Variants in GRAMD1B observed in about 807,000 individuals in gnomAD.
GRAMD1B encodes GRAM domain containing 1B, also known as protein Aster-B.
In GRAMD1B, 37 loss-of-function variants were observed where a neutral mutation model predicts 99.7. The observed-to-expected ratio is 0.37, with a 90% CI of 0.29 to 0.49. The LOEUF (loss-of-function observed/expected upper bound fraction) is 0.49. Ranked by LOEUF, GRAMD1B falls within the 20% of genes least tolerant of loss-of-function variation. GRAMD1B has a pLI of 0.98. For missense variants in GRAMD1B, 888 were observed against 1,009.2 expected (o/e 0.88, Z 1.63); for synonymous variants, 427 against 387.6 (o/e 1.10, Z -1.19).
chr11:123,451,341 A>G (rs1203952251), intron 1 of GRAMD1B, among the ~76,000 whole-genome samples: 1 of 152,130 alleles, frequency 6.6e-6, no homozygotes, highest in Non-Finnish European at 1.5e-5. Flanking sequence ...GAGTAGACCC[A>G]CCTGGCACTT....
chr11:123,426,207 G>A (rs762080594), upstream of GRAMD1B, among the ~76,000 whole-genome samples: 2 of 152,070 alleles, frequency 1.3e-5, no homozygotes, highest in Non-Finnish European at 1.5e-5. Context: ...GGGTGGGCTG[G>A]GCCTTTAAGA....
chr11:123,497,528 G>C (rs961165948), intron 2 of GRAMD1B, among the ~76,000 whole-genome samples: 4 of 152,172 alleles, frequency 2.6e-5, no homozygotes, highest in Admixed American at 2.0e-4. Flanking sequence ...CTAGGCCCCA[G>C]ATGAGTCCAG....
At chr11:123,622,428 G>A in intron 19 of GRAMD1B, 78 bp from the exon 20 acceptor site, 1 of 866,794 alleles carries the variant, frequency 1.2e-6, no homozygotes. Flanking sequence ...CTAGGCGGGT[G>A]TGGGGAGAGG....
At chr11:123,415,206 G>A (rs931313525) in intron 1 of GRAMD1B, among the ~76,000 whole-genome samples, 5 of 141,270 alleles carry the variant, frequency 3.5e-5, no homozygotes, top group South Asian at 2.3e-4. Context: ...AGGTTCAAGC[G>A]ATTCTCTTGC....
intron 2 of GRAMD1B, among the ~76,000 whole-genome samples, chr11:123,532,840 A>T (rs929744765): frequency 1.3e-5 from 2 of 152,248 alleles, no homozygotes; most frequent in Non-Finnish European, 2.9e-5. Context: ...CGTTCATGCT[A>T]CAACAGCAGA....
chr11:123,419,890 G>A (rs1008877273), intron 1 of GRAMD1B, among the ~76,000 whole-genome samples: 1 of 152,124 alleles, frequency 6.6e-6, no homozygotes, highest in African/African-American at 2.4e-5. Flanking sequence ...TTAAGCTGGG[G>A]AGATTTTATT....
chr11:123,364,887 A>G (rs1946266358), intron 1 of GRAMD1B, among the ~76,000 whole-genome samples: 1 of 152,212 alleles, frequency 6.6e-6, no homozygotes, highest in South Asian at 2.1e-4. Flanking sequence ...GTTTGGAAAT[A>G]GAGAATTTAT....
At chr11:123,475,104 G>A (rs1480686193) in intron 1 of GRAMD1B, among the ~76,000 whole-genome samples, 2 of 152,146 alleles carry the variant, frequency 1.3e-5, no homozygotes, top group Admixed American at 1.3e-4. Flanking sequence ...CCTTTCAGAG[G>A]GCAGAAGGAC....
chr11:123,592,265 GC>G (rs369487802), intron 4 of GRAMD1B, among the ~76,000 whole-genome samples: 1 of 152,186 alleles, frequency 6.6e-6, no homozygotes, highest in African/African-American at 2.4e-5. Context: ...TTTTGGGGAA[GC>G]CCTTCTGCTT....
chr11:123,416,279 G>A (rs1948230660), intron 1 of GRAMD1B, among the ~76,000 whole-genome samples: 1 of 152,104 alleles, frequency 6.6e-6, no homozygotes. Flanking sequence ...AACTTCTATT[G>A]GGTGTGATGG....
At chr11:123,453,679 C>A (rs1261975307) in intron 1 of GRAMD1B, among the ~76,000 whole-genome samples, 1 of 152,078 alleles carries the variant, frequency 6.6e-6, no homozygotes, top group East Asian at 1.9e-4. Context: ...ACTTTTTGGT[C>A]CTGGAATACT....
intron 2 of GRAMD1B, 59 bp from the exon 3 acceptor site, chr11:123,577,308 C>A (rs962867015): frequency 7.2e-7 from 1 of 1,395,114 alleles, no homozygotes; most frequent in Non-Finnish European, 9.9e-7. Context: ...TCACTGACTG[C>A]CTGCCTTTCC....
Position 123,624,408 on chromosome 11 carries a change from T to C in GRAMD1B, c.*1813T>C, listed in dbSNP as rs548876824. 3 of 152,362 alleles carry C rather than the reference T, an allele frequency of 2.0e-5. No homozygotes were observed. The East Asian group carries it at 5.8e-4, about 29-fold the overall frequency. The allele number at this position is 152,362 out of a possible 1,614,324, so 9.4% of individuals were successfully genotyped here. A position where few individuals can be genotyped will look rare whatever the true frequency, so the allele number is the denominator to read the frequency against. On this transcript the variant is annotated 3_prime_UTR_variant, in exon 20 of 20. Coordinates refer to ENST00000635736, the MANE Select transcript of GRAMD1B (RefSeq NM_001387025.1). ...CAGGATCAGAAAACAGGAAGGTCCA[T>C]GCCCAGGTGATCCTCCAAGGGAGGA...
intron 2 of GRAMD1B, among the ~76,000 whole-genome samples, chr11:123,568,754 T>C (rs1465227925): frequency 6.6e-6 from 1 of 152,200 alleles, no homozygotes; most frequent in Admixed American, 6.5e-5. Context: ...GAAGAGAACT[T>C]CTATGCTGTA....
At chr11:123,395,556 C>T (rs7106398) in intron 1 of GRAMD1B, among the ~76,000 whole-genome samples, 13,533 of 152,162 alleles carry the variant, frequency 0.089, 1,988 homozygotes, top group African/African-American at 0.31. Flanking sequence ...TATCAGAGTT[C>T]CCCCAGGTGA....
At chr11:123,364,899 CAA>C (rs1246165827) in intron 1 of GRAMD1B, among the ~76,000 whole-genome samples, 4 of 152,098 alleles carry the variant, frequency 2.6e-5, no homozygotes, top group Non-Finnish European at 5.9e-5. Flanking sequence ...AGAATTTATA[CAA>C]AGTCTTTCAT....
Position 123,537,598 on chromosome 11 carries a change from G to A in GRAMD1B, c.453-39769G>A, listed in dbSNP as rs887570842. ...CGTTTATCTTGCATCTGTTAACTCT[G>A]GCATGTTCAAATGGTTTCTGTTAAC... is the stretch of plus-strand genomic sequence containing the variant. On this transcript the variant is annotated intron_variant, in intron 2 of 19. Transcript: ENST00000635736. Among the ~76,000 whole-genome samples the A allele has an allele frequency of 3.9e-5, 6 of 152,222 alleles. No individual in the cohort carries two copies. The East Asian group carries it at 1.2e-3, about 29-fold the overall frequency.
intron 1 of GRAMD1B, among the ~76,000 whole-genome samples, chr11:123,433,019 G>T (rs1203876099): frequency 6.6e-6 from 1 of 152,146 alleles, no homozygotes; most frequent in African/African-American, 2.4e-5. Context: ...ACAGAGTAGA[G>T]GGAAATGGGG....
At chr11:123,458,686 G>GTTTTTTT (rs1219399393) in intron 1 of GRAMD1B, 1 of 97,542 alleles carries the variant, frequency 1.0e-5, no homozygotes, top group African/African-American at 4.6e-5. Flanking sequence ...GTGAAAGGCT[G>GTTTTTTT]TTTTGTTTTT....
Sources: allele counts gnomAD v4.1 joint callset (sites outside exome capture counted in the v4.1 genomes callset), GRCh38; gene constraint gnomAD v4.1.1; transcripts MANE v1.5; gene names NCBI Gene and HGNC (gene_info 2026-07-23, HGNC 2026-07-21).